Variants in FAM110A observed in about 807,000 individuals in gnomAD.
FAM110A encodes the protein protein FAM110A.
FAM110A carries 1 observed loss-of-function variant against 4.0 expected under a neutral mutation model. The observed-to-expected ratio is 0.25, with a 90% CI of 0.09 to 1.20. FAM110A has a LOEUF of 1.20. Among genes scored for constraint, FAM110A ranks in the 50% most tolerant of loss-of-function variants. The probability of loss-of-function intolerance (pLI) is 0.50; values close to 1 mark genes in which losing one functional copy is unlikely to be tolerated. For synonymous variants in FAM110A, 217 were observed against 196.8 expected (o/e 1.10, Z -0.86); for missense variants, 436 against 429.2 (o/e 1.02, Z -0.14).
chr20:844,884 AC>A lies in FAM110A; in HGVS notation c.82del (p.Leu28CysfsTer164). On this transcript the variant is annotated frameshift_variant, in exon 2 of 2. Transcript: ENST00000381941. LOFTEE classifies it high-confidence loss of function. ...CGCCTGCGGACCAGGGTCCCTGGCT[AC>A]CTGCTACGGGGGCCGGCAGATGGTG... ...PCRLRTRVPGYLLRGPADGGA... is the reference protein window; with the variant it reads ...PCRLRTRVPGXLLRGPADGGA... 2 of 1,551,510 alleles carry A rather than the reference AC, an allele frequency of 1.3e-6. No individual in the cohort carries two copies. Among genetic ancestry groups the A allele is most frequent in the South Asian group, 2.4e-5 (2 of 84,138 alleles).
chr20:839,467 G>A (rs1211551937), intron 1 of FAM110A: 12 of 803,264 alleles, frequency 1.5e-5, no homozygotes, highest in South Asian at 2.7e-5. Context: ...GGCTGACCAC[G>A]TCCACGACCA....
intron 1 of FAM110A, among the ~76,000 whole-genome samples, chr20:843,065 T>C (rs1266664145): frequency 1.3e-5 from 2 of 151,948 alleles, no homozygotes; most frequent in Non-Finnish European, 2.9e-5. Flanking sequence ...AAAACAACCA[T>C]ACACAAATAG....
intron 1 of FAM110A, among the ~76,000 whole-genome samples, chr20:836,591 A>T (rs555190099): frequency 4.9e-4 from 75 of 152,310 alleles, no homozygotes; most frequent in African/African-American, 1.7e-3. Context: ...TATATGCCAC[A>T]TTCTGTTTAT....
At position 845,271 on chromosome 20, in the gene FAM110A, T is replaced by C; in HGVS notation, c.467T>C (p.Val156Ala). Reference sequence around the variant, plus strand: ...ACCTCTGCGGTCCGCCGGGTGGACGTCCGCCCCCTGCCCGCCTCGCCTGCC... The same window carrying C: ...ACCTCTGCGGTCCGCCGGGTGGACGCCCGCCCCCTGCCCGCCTCGCCTGCC... ...PSTSAVRRVDVRPLPASPARP... is the reference protein window; with the variant it reads ...PSTSAVRRVDARPLPASPARP... The change falls in exon 2 of 2, where the codon GTC becomes GCC. Residue 156 changes from valine to alanine, a missense_variant. Val to Ala is a moderately conservative substitution (Grantham distance 64). Coordinates refer to ENST00000381941, the MANE Select transcript of FAM110A (RefSeq NM_001042353.3). The C allele has an allele frequency of 6.7e-7, 1 of 1,495,686 alleles. No individual in the cohort carries two copies. The allele number at this position is 1,495,686 out of a possible 1,614,324, so 92.7% of individuals were successfully genotyped here.
At chr20:839,659 G>C in intron 1 of FAM110A, 1 of 1,197,058 alleles carries the variant, frequency 8.4e-7, no homozygotes, top group Non-Finnish European at 1.2e-6. Flanking sequence ...GGACGGCTGC[G>C]GTGTAGGGTG....
At chr20:837,971 G>A (rs1979670353) in intron 1 of FAM110A, among the ~76,000 whole-genome samples, 1 of 152,076 alleles carries the variant, frequency 6.6e-6, no homozygotes, top group African/African-American at 2.4e-5. Flanking sequence ...TAACTGTACA[G>A]TGGAGAAATT....
At position 845,491 on chromosome 20, in the gene FAM110A, G is replaced by C; in HGVS notation, c.687G>C (p.Ser229=). The change falls in exon 2 of 2, where the codon TCG becomes TCC. Residue 229 remains serine (S), a synonymous_variant. Transcript: ENST00000381941. ...LGVAHLARAS[S]DIVSLAGPSA... is the part of the protein sequence containing the mutation. ...TGGCCCACCTGGCACGGGCCAGCTC[G>C]GATATCGTGTCCCTGGCAGGGCCCA... The C allele has an allele frequency of 6.2e-7, 1 of 1,612,612 alleles. No homozygotes were observed. Among genetic ancestry groups the C allele is most frequent in the Non-Finnish European group, 8.5e-7 (1 of 1,179,372 alleles).
rs1184795391 is a variant in FAM110A, at chr20:833,880, C to G, written c.-169C>G. Reference sequence around the variant, plus strand: ...CGTCGTTGGGAGCGGCCACTACCGGCCCGGGTCCGAGCTGTCAGCCTCTCC... The same window carrying G: ...CGTCGTTGGGAGCGGCCACTACCGGGCCGGGTCCGAGCTGTCAGCCTCTCC... On this transcript the variant is annotated 5_prime_UTR_variant, in exon 1 of 2. Transcript: ENST00000381941. This position sits in a 1 kb window ranked among gnomAD's most constrained non-coding sequence, Gnocchi z 4.1. 6.6e-6 allele frequency: 1 copy of G among 152,346 alleles called. No individual in the cohort carries two copies. The highest frequency in any genetic ancestry group is 1.5e-5 in the Non-Finnish European group (1 of 68,146). The allele number at this position is 152,346 out of a possible 1,614,324, so 9.4% of individuals were successfully genotyped here.
Position 835,190 on chromosome 20 carries a change from C to CTA in FAM110A, c.-98+1240_-98+1241insAT, listed in dbSNP as rs1342613466. Among the ~76,000 whole-genome samples the CTA allele has an allele frequency of 5.3e-3, 672 of 125,838 alleles. 13 individuals are homozygous for CTA. The highest frequency in any genetic ancestry group is 0.021 in the African/African-American group (642 of 31,316). The allele number at this position is 125,838 out of a possible 152,430, so 82.6% of individuals were successfully genotyped here. ...TCTCTCTCTCTCTCTCTCTCTCTCT[C>CTA]TCTCTCTCTCTATATATATATATAC... is the stretch of plus-strand genomic sequence containing the variant. On this transcript the variant is annotated intron_variant, in intron 1 of 1. Transcript: ENST00000381941.
chr20:843,334 A>C (rs1980051068), intron 1 of FAM110A, among the ~76,000 whole-genome samples: 2 of 151,948 alleles, frequency 1.3e-5, no homozygotes, highest in South Asian at 4.2e-4. Flanking sequence ...GGATTTTTGG[A>C]TGTCTAGGTG....
chr20:839,634 G>A (rs559962735), intron 1 of FAM110A: 7 of 1,159,952 alleles, frequency 6.0e-6, no homozygotes, highest in Non-Finnish European at 3.9e-6. Context: ...TTTAGGCCGA[G>A]GCCTGCCAGT....
At position 845,232 on chromosome 20, in the gene FAM110A, G is replaced by T. The variant is rs1161803366; in HGVS notation, c.428G>T (p.Arg143Leu). Residue 143 changes from arginine (R) to leucine (L), a missense_variant, in exon 2 of 2, where the codon CGA becomes CTA. Transcript: ENST00000381941. ...CGTCCTCCCCCAGCCACCCCTCCGC[G>T]ACCGCCGCCCAGTACCTCTGCGGTC... ...AGRPPPATPP[R>L]PPPSTSAVRR... The T allele has an allele frequency of 6.5e-7, 1 of 1,533,950 alleles. No individual in the cohort carries two copies. The highest frequency in any genetic ancestry group is 2.0e-5 in the Admixed American group (1 of 49,794).
intron 1 of FAM110A, among the ~76,000 whole-genome samples, chr20:835,606 G>A (rs1435984252): frequency 6.6e-6 from 1 of 152,106 alleles, no homozygotes; most frequent in African/African-American, 2.4e-5. Flanking sequence ...GGTATCAGTG[G>A]GCCTAGATGT....
rs1288180864 is a variant in FAM110A, at chr20:834,230, G to T, written c.-98+279G>T. On this transcript the variant is annotated intron_variant, in intron 1 of 1. Transcript: ENST00000381941. This position sits in a 1 kb window ranked among gnomAD's most constrained non-coding sequence, Gnocchi z 5.6. ...TAGTCATTTTCCCAGCGTTTTATCGGCAGGGACCTGTAGACCCCTGGCTGG... is the reference window on the plus strand; with the variant it reads ...TAGTCATTTTCCCAGCGTTTTATCGTCAGGGACCTGTAGACCCCTGGCTGG... Among the ~76,000 whole-genome samples, 1 of 152,194 alleles carries T rather than the reference G, an allele frequency of 6.6e-6. No individual in the cohort carries two copies. Among genetic ancestry groups the T allele is most frequent in the African/African-American group, 2.4e-5 (1 of 41,434 alleles).
intron 1 of FAM110A, among the ~76,000 whole-genome samples, chr20:843,005 G>C (rs8121246): frequency 0.19 from 29,291 of 151,904 alleles, 3,048 homozygotes; most frequent in East Asian, 0.38. Flanking sequence ...ACACACACAC[G>C]CCTGCCCTCA....
intron 1 of FAM110A, chr20:836,183 G>T (rs1361093412): frequency 1.6e-5 from 2 of 129,018 alleles, no homozygotes; most frequent in Non-Finnish European, 3.1e-5. Context: ...TTAATAATTT[G>T]CATAAGATAA....
intron 1 of FAM110A, among the ~76,000 whole-genome samples, chr20:835,308 T>C (rs1167608805): frequency 6.6e-6 from 1 of 151,964 alleles, no homozygotes; most frequent in Non-Finnish European, 1.5e-5. Context: ...TTATAAATCA[T>C]GAAACCACTG....
At chr20:842,946 G>A (rs539763703) in intron 1 of FAM110A, among the ~76,000 whole-genome samples, 34 of 152,132 alleles carry the variant, frequency 2.2e-4, no homozygotes, top group South Asian at 6.2e-4. Flanking sequence ...GTCTAGGGCA[G>A]TATCTTGAAA....
At position 844,829 on chromosome 20, in the gene FAM110A, G is replaced by C; in HGVS notation, c.25G>C (p.Gly9Arg). MPVHTLSP[G>R]APSAPALPCR... The stretch of plus-strand genomic sequence containing the variant: ...CATGCCTGTGCACACGCTGAGCCCC[G>C]GAGCCCCGTCCGCCCCCGCCCTACC... The change falls in exon 2 of 2, where the codon GGA becomes CGA. Residue 9 changes from glycine to arginine, a missense_variant. Gly to Arg is a moderately radical substitution (Grantham distance 125). Coordinates refer to ENST00000381941, the MANE Select transcript of FAM110A (RefSeq NM_001042353.3). The C allele has an allele frequency of 6.0e-6, 9 of 1,511,406 alleles. No individual in the cohort carries two copies. The highest frequency in any genetic ancestry group is 8.0e-6 in the Non-Finnish European group (9 of 1,130,626). 93.6% of individuals were successfully genotyped at this position (1,511,406 alleles called of 1,614,324 possible).
Sources: gnomAD v4.1 joint callset for allele counts (sites outside exome capture counted in the v4.1 genomes callset) on GRCh38, gnomAD v4.1.1 for gene constraint, Gnocchi (gnomAD v3.1) non-coding constraint, MANE v1.5 for transcripts, NCBI Gene and HGNC (gene_info 2026-07-23, HGNC 2026-07-21) for gene names.